The following DNAH7 variants were observed in gnomAD, a reference collection of about 807,000 sequenced individuals.
DNAH7 encodes axonemal beta dynein heavy chain 7.
DNAH7 carries 397 observed loss-of-function variants against 444.6 expected under a neutral mutation model. The ratio of observed to expected loss-of-function variants is 0.89; its 90% confidence interval spans 0.82 to 0.97. DNAH7 has a LOEUF of 0.97. Ranked by LOEUF, DNAH7 falls within the 50% of genes least tolerant of loss-of-function variation. DNAH7 has a pLI of 0.00. For synonymous variants in DNAH7, 1,636 were observed against 1,624.4 expected (o/e 1.01, Z -0.17); for missense variants, 4,902 against 4,800.8 (o/e 1.02, Z -0.62).
chr2:195,795,361 G>A (rs988103836), intron 56 of DNAH7, among the ~76,000 whole-genome samples: 65 of 152,188 alleles, frequency 4.3e-4, no homozygotes, highest in Admixed American at 4.3e-3. Context: ...CAGCCCGGGT[G>A]ACAGATTGAG....
chr2:195,749,370 T>C (rs1693637341), intron 63 of DNAH7, among the ~76,000 whole-genome samples: 2 of 150,720 alleles, frequency 1.3e-5, no homozygotes, highest in African/African-American at 2.4e-5. Flanking sequence ...AGGAACACTT[T>C]TACACTGTTG....
In DNAH7 at chr2:195,796,699, A is replaced by C; in HGVS notation, c.10392T>G (p.Gly3464=). The stretch of plus-strand genomic sequence containing the variant: ...TCATAGCAATGGGCCCTTGGCCTTG[A>C]CCAAGAGATAAAGAGCTAAGTTTTG... ...GGSKLSSLSL[G]QGQGPIAMKM... The change falls in exon 56 of 65, where the codon GGT becomes GGG. Residue 3464 remains glycine, a synonymous_variant. Transcript: ENST00000312428. 6.2e-7 allele frequency: 1 copy of C among 1,614,180 alleles called. No homozygotes were observed. The highest frequency in any genetic ancestry group is 8.5e-7 in the Non-Finnish European group (1 of 1,180,002).
intron 40 of DNAH7, among the ~76,000 whole-genome samples, chr2:195,868,483 T>C (rs1291246238): frequency 6.6e-6 from 1 of 151,804 alleles, no homozygotes; most frequent in East Asian, 1.9e-4. Context: ...ATGTCCTTAT[T>C]GGCCATTTGT....
At chr2:195,958,311 A>G (rs1288163863) in intron 18 of DNAH7, among the ~76,000 whole-genome samples, 1 of 152,170 alleles carries the variant, frequency 6.6e-6, no homozygotes, top group Non-Finnish European at 1.5e-5. Context: ...TGAATAGTAA[A>G]TATATTTTTC....
At chr2:195,997,669 C>T (rs747931932) in intron 12 of DNAH7, among the ~76,000 whole-genome samples, 1 of 150,988 alleles carries the variant, frequency 6.6e-6, no homozygotes, top group African/African-American at 2.4e-5. Context: ...GCAGGTTTAC[C>T]TTCCATGAAA....
chr2:196,027,097 C>T (rs1695737323), intron 6 of DNAH7, among the ~76,000 whole-genome samples, 157 bp from the exon 7 acceptor site: 1 of 152,020 alleles, frequency 6.6e-6, no homozygotes, highest in Admixed American at 6.6e-5. Context: ...TATTTGAGAT[C>T]TCCTAAATGT....
chr2:195,934,677 CTA>C lies in DNAH7; in HGVS notation c.3383_3384del (p.Ile1128ArgfsTer18). On this transcript the variant is annotated frameshift_variant, in exon 21 of 65. Transcript: ENST00000312428. LOFTEE classifies it high-confidence loss of function. ...KSSEGEVVEL[I>X]EIISTAKARG... ...CTGGCTTTGGCTGTTGAAATAATCT[CTA>C]TGAGTTCTACAACCTCTCCTTCGCT... The C allele has an allele frequency of 1.2e-6, 2 of 1,614,128 alleles. No homozygotes were observed. Among genetic ancestry groups the C allele is most frequent in the Non-Finnish European group, 1.7e-6 (2 of 1,179,988 alleles).
chr2:195,900,491 G>C lies in DNAH7; in HGVS notation c.4339C>G (p.Leu1447Val). The change falls in exon 28 of 65, where the codon CTC becomes GTC. Residue 1447 changes from leucine (L) to valine (V), a missense_variant. Transcript: ENST00000312428. Reference sequence around the variant, plus strand: ...ACCATCATTGCTACTGTCCGAAAGAGAGCCTATGGGTAGGTAGAAAGTTAC... The same window carrying C: ...ACCATCATTGCTACTGTCCGAAAGACAGCCTATGGGTAGGTAGAAAGTTAC... Reference protein sequence around the residue: ...RSELPDNLKALFRTVAMMVPD... With the variant: ...RSELPDNLKAVFRTVAMMVPD... 1 of 1,613,616 alleles carries C rather than the reference G, an allele frequency of 6.2e-7. No homozygotes were observed. Among genetic ancestry groups the C allele is most frequent in the Non-Finnish European group, 8.5e-7 (1 of 1,179,640 alleles).
chr2:195,854,804 GA>G (rs1217011716), intron 45 of DNAH7, among the ~76,000 whole-genome samples: 1 of 152,080 alleles, frequency 6.6e-6, no homozygotes, highest in Admixed American at 6.5e-5. Context: ...TAGGAGAGTT[GA>G]AAAATGTTTA....
rs1460564373 is a variant in DNAH7 at position 196,013,628 on chromosome 2, C to T, written c.870-722G>A. On this transcript the variant is annotated intron_variant, in intron 9 of 64. Transcript: ENST00000312428. ...ATTTCAAATCTATTTCCTTATATTTCTTCCACAAGCTAAAATTCATCTGAG... is the reference window on the plus strand; with the variant it reads ...ATTTCAAATCTATTTCCTTATATTTTTTCCACAAGCTAAAATTCATCTGAG... Among the ~76,000 whole-genome samples the T allele has an allele frequency of 2.0e-5, 3 of 152,124 alleles. No homozygotes were observed. In the East Asian group the frequency reaches 5.8e-4, roughly 29 times the overall value.
chr2:195,948,795 G>T (rs1690007493), intron 19 of DNAH7, among the ~76,000 whole-genome samples: 1 of 152,148 alleles, frequency 6.6e-6, no homozygotes, highest in African/African-American at 2.4e-5. Context: ...GGTTCCATAT[G>T]AAATTTAAAG....
At chr2:195,837,813 G>T (rs1288786295) in intron 47 of DNAH7, among the ~76,000 whole-genome samples, 1 of 152,098 alleles carries the variant, frequency 6.6e-6, no homozygotes, top group African/African-American at 2.4e-5. Context: ...GGCCCCTGTT[G>T]TACACAGAAT....
chr2:196,041,783 T>G (rs1696777384), intron 5 of DNAH7, among the ~76,000 whole-genome samples: 1 of 151,582 alleles, frequency 6.6e-6, no homozygotes, highest in African/African-American at 2.4e-5. Flanking sequence ...TGGGAGAAAA[T>G]ATTTGCAAAC....
At chr2:195,871,965 A>AAAAAAAAAC (rs1559168299) in intron 40 of DNAH7, among the ~76,000 whole-genome samples, 2 of 81,762 alleles carry the variant, frequency 2.4e-5, no homozygotes, top group Non-Finnish European at 4.3e-5. Context: ...AAAAAAAAAA[A>AAAAAAAAAC]AAAACTACTT....
At position 195,787,186 on chromosome 2, in the gene DNAH7, AATG is replaced by A. The variant is rs759950746; in HGVS notation, c.10717-18_10717-16del. 1.3e-6 allele frequency: 2 copies of A among 1,577,004 alleles called. No homozygotes were observed. Among genetic ancestry groups the A allele is most frequent in the Non-Finnish European group, 1.7e-6 (2 of 1,167,758 alleles). ...TTGAATTCCTCCTGTAATGAGAAGA[AATG>A]ATGCCGCATCATTATTTTCTCCATA... On this transcript the variant is annotated splice_polypyrimidine_tract_variant and intron_variant, in intron 57 of 64. Coordinates refer to ENST00000312428, the MANE Select transcript of DNAH7 (RefSeq NM_018897.3).
chr2:195,816,916 G>A lies in DNAH7; in HGVS notation c.9473C>T (p.Ser3158Leu), dbSNP rs754917237. The change falls in exon 51 of 65, where the codon TCG (serine) becomes TTG (leucine). Residue 3158 changes from serine to leucine, a missense_variant. Ser to Leu is a moderately radical substitution (Grantham distance 145, BLOSUM62 -2). Transcript: ENST00000312428. Reference protein sequence around the residue: ...EDKILEVLSSSEGNILEDETA... With the variant: ...EDKILEVLSSLEGNILEDETA... ...TTCATCTTCTAATATATTGCCTTCC[G>A]AAGATGAAAGAACTTCTAAAATCTT... 18 of 1,609,032 alleles carry A rather than the reference G, an allele frequency of 1.1e-5. No homozygotes were observed. In the Admixed American group the frequency reaches 1.3e-4, roughly 12 times the overall value.
At position 195,924,168 on chromosome 2, in the gene DNAH7, A is replaced by G. The variant is rs79802673; in HGVS notation, c.3613-361T>C. On this transcript the variant is annotated intron_variant, in intron 22 of 64. Coordinates refer to ENST00000312428, the MANE Select transcript of DNAH7 (RefSeq NM_018897.3). ...ATCACAGTTCTTCCTGGGGACTGCT[A>G]TATAGATTGAGAGAAAAAGTACTCT... Among the ~76,000 whole-genome samples, 165 of 152,228 alleles carry G rather than the reference A, an allele frequency of 1.1e-3. 3 individuals carry two copies. In the East Asian group the frequency reaches 0.029, roughly 27 times the overall value.
chr2:195,858,060 CA>C lies in DNAH7; in HGVS notation c.8068-338del, dbSNP rs5837479. On this transcript the variant is annotated intron_variant, in intron 43 of 64. Coordinates refer to ENST00000312428, the MANE Select transcript of DNAH7 (RefSeq NM_018897.3). ...CACATTATTATTTTATGTATCCCCC[CA>C]AAAAAAATCACTGGCAAAATTAATA... is the stretch of plus-strand genomic sequence containing the variant. 4.0e-5 allele frequency among the ~76,000 whole-genome samples: 6 copies of C among 151,692 alleles called. No homozygotes were observed. In the East Asian group the frequency reaches 5.8e-4, roughly 15 times the overall value.
rs1274714960 is a variant in DNAH7 at position 195,824,448 on chromosome 2, G to A, written c.9101-3C>T. ...TTCGCCAACATTTTCTAGCAACACT[G>A]GAGTAAAATCAGAAAAGATTTCATG... is the stretch of plus-strand genomic sequence containing the variant. On this transcript the variant is annotated splice_polypyrimidine_tract_variant and splice_region_variant and intron_variant, in intron 48 of 64. Transcript: ENST00000312428. 2 of 1,590,278 alleles carry A rather than the reference G, an allele frequency of 1.3e-6. No individual in the cohort carries two copies. Among genetic ancestry groups the A allele is most frequent in the African/African-American group, 1.4e-5 (1 of 73,888 alleles).
Sources: allele counts gnomAD v4.1 joint callset (sites outside exome capture counted in the v4.1 genomes callset), GRCh38; gene constraint gnomAD v4.1.1; transcripts MANE v1.5; gene names NCBI Gene and HGNC (gene_info 2026-07-23, HGNC 2026-07-21).